RIPOR3: variants seen among roughly 807,000 people sequenced by gnomAD.
The protein encoded by RIPOR3 is family with sequence similarity 65 member C.
In RIPOR3, 95 loss-of-function variants were observed where a neutral mutation model predicts 114.3. The observed-to-expected ratio is 0.83, with a 90% CI of 0.70 to 0.99. RIPOR3 has a LOEUF of 0.99. RIPOR3 is among the 50% of genes least tolerant of loss of function. The probability of loss-of-function intolerance (pLI) is 0.00; values close to 1 mark genes in which losing one functional copy is unlikely to be tolerated. For missense variants in RIPOR3, 1,252 were observed against 1,266.9 expected (o/e 0.99, Z 0.18); for synonymous variants, 575 against 543.8 (o/e 1.06, Z -0.80).
chr20:50,666,185 T>G (rs373542940), intron 1 of RIPOR3, among the ~76,000 whole-genome samples: 16 of 24,480 alleles, frequency 6.5e-4, no homozygotes, highest in South Asian at 5.4e-3. Context: ...GGACACCCAT[T>G]TCTTTTCTTT....
intron 1 of RIPOR3, among the ~76,000 whole-genome samples, chr20:50,689,852 C>T (rs1244439045): frequency 6.6e-6 from 1 of 152,134 alleles, no homozygotes; most frequent in Non-Finnish European, 1.5e-5. Flanking sequence ...TGGATCAGTA[C>T]AGAGCTGCTT....
intron 1 of RIPOR3, among the ~76,000 whole-genome samples, chr20:50,681,239 A>G (rs1444731303): frequency 1.6e-5 from 2 of 122,652 alleles, no homozygotes; most frequent in African/African-American, 5.9e-5. Flanking sequence ...AAAAAAAAAA[A>G]AAAGAAAAGA....
chr20:50,666,830 G>A (rs1024355249), intron 1 of RIPOR3, among the ~76,000 whole-genome samples: 7 of 152,104 alleles, frequency 4.6e-5, no homozygotes, highest in African/African-American at 1.7e-4. Context: ...AAAGTGCTGG[G>A]ATTACAGGCG....
intron 20 of RIPOR3, 148 bp downstream of exon 20, chr20:50,589,538 T>C: frequency 1.4e-6 from 1 of 710,814 alleles, no homozygotes; most frequent in South Asian, 1.6e-5. Flanking sequence ...TCAGGTGATC[T>C]GCCTGCCTTG....
intron 1 of RIPOR3, among the ~76,000 whole-genome samples, chr20:50,638,835 G>A (rs1308354944): frequency 6.6e-6 from 1 of 152,120 alleles, no homozygotes; most frequent in East Asian, 1.9e-4. Context: ...CAGGCAGGAG[G>A]GACTGAGATG....
chr20:50,587,227 AT>A lies in RIPOR3; in HGVS notation c.*4del, dbSNP rs761083911. 4.8e-5 allele frequency: 77 copies of A among 1,612,428 alleles called. No homozygotes were observed. The highest frequency in any genetic ancestry group is 4.8e-5 in the Non-Finnish European group (56 of 1,178,530). Reference sequence around the variant, plus strand: ...GTGAGATTTGTGCTCATCAGCCAGGATTTTTTAAAATATTGTGATTTCAACA... The same window carrying A: ...GTGAGATTTGTGCTCATCAGCCAGGATTTTTAAAATATTGTGATTTCAACA... On this transcript the variant is annotated 3_prime_UTR_variant, in exon 22 of 22. Transcript: ENST00000327979.
chr20:50,590,815 C>CTTT (rs11476746), intron 19 of RIPOR3, among the ~76,000 whole-genome samples: 9 of 131,680 alleles, frequency 6.8e-5, no homozygotes, highest in Non-Finnish European at 9.8e-5. Context: ...GATGAAGGCC[C>CTTT]TTTTTTTTTT....
intron 19 of RIPOR3, among the ~76,000 whole-genome samples, chr20:50,591,913 G>A (rs747321518): frequency 2.6e-5 from 4 of 152,190 alleles, no homozygotes; most frequent in Non-Finnish European, 5.9e-5. Context: ...TGGCCAACAT[G>A]GTGAAACCCT....
At chr20:50,641,772 C>T (rs1203940915) in intron 1 of RIPOR3, among the ~76,000 whole-genome samples, 1 of 152,244 alleles carries the variant, frequency 6.6e-6, no homozygotes, top group Non-Finnish European at 1.5e-5. Flanking sequence ...TTATCTCCCA[C>T]TCTCCTTGCT....
intron 2 of RIPOR3, among the ~76,000 whole-genome samples, chr20:50,622,242 T>C (rs6096032): frequency 0.65 from 97,628 of 150,050 alleles, 32,228 homozygotes; most frequent in Middle Eastern, 0.75. Flanking sequence ...AGTGCAATGG[T>C]GCAATCTCGG....
chr20:50,680,748 C>A (rs1479776459), intron 1 of RIPOR3, among the ~76,000 whole-genome samples: 1 of 152,194 alleles, frequency 6.6e-6, no homozygotes, highest in Admixed American at 6.5e-5. Flanking sequence ...TGATGCCCAG[C>A]ACCTATCTCC....
chr20:50,678,879 G>A (rs2086761715), intron 1 of RIPOR3, among the ~76,000 whole-genome samples: 1 of 151,164 alleles, frequency 6.6e-6, no homozygotes, highest in Admixed American at 6.6e-5. Flanking sequence ...CCAGGTGGGA[G>A]GATCACTTGA....
At chr20:50,670,228 G>A (rs1395008669) in intron 1 of RIPOR3, among the ~76,000 whole-genome samples, 4 of 151,712 alleles carry the variant, frequency 2.6e-5, no homozygotes, top group Non-Finnish European at 4.4e-5. Flanking sequence ...CCAGGCAGGC[G>A]GAGGCCCAGA....
intron 7 of RIPOR3, 36 bp downstream of exon 7, chr20:50,609,537 T>C (rs2083868624): frequency 2.1e-6 from 3 of 1,428,106 alleles, no homozygotes; most frequent in African/African-American, 2.9e-5. Context: ...CAGCTCTTGC[T>C]GCCCCTGCTG....
intron 14 of RIPOR3, 39 bp from the exon 15 acceptor site, chr20:50,596,302 C>G (rs368476611): frequency 8.2e-5 from 133 of 1,612,336 alleles, no homozygotes; most frequent in Non-Finnish European, 1.1e-4. Flanking sequence ...TTCCAGTTAG[C>G]AGTTCAGCTC....
chr20:50,599,324 G>A (rs1197635606), intron 13 of RIPOR3, among the ~76,000 whole-genome samples: 1 of 152,026 alleles, frequency 6.6e-6, no homozygotes. Context: ...CCCAGGAGGT[G>A]GAGGTTGCAG....
At chr20:50,648,603 T>C (rs981928945) in intron 1 of RIPOR3, among the ~76,000 whole-genome samples, 7 of 152,012 alleles carry the variant, frequency 4.6e-5, no homozygotes, top group African/African-American at 1.7e-4. Flanking sequence ...TTGTAATATA[T>C]AATGAAATAA....
chr20:50,665,896 A>G (rs1432236803), intron 1 of RIPOR3, among the ~76,000 whole-genome samples: 2 of 151,996 alleles, frequency 1.3e-5, no homozygotes, highest in East Asian at 1.9e-4. Context: ...GTCGCCACGC[A>G]CCTCACTGTA....
At chr20:50,620,979 A>T in intron 2 of RIPOR3, 1 of 531,126 alleles carries the variant, frequency 1.9e-6, no homozygotes, top group African/African-American at 1.9e-5. Context: ...AAGTTCATCA[A>T]GGAAAGGGTG....
Sources: allele counts gnomAD v4.1 joint callset (sites outside exome capture counted in the v4.1 genomes callset), GRCh38; gene constraint gnomAD v4.1.1; transcripts MANE v1.5; gene names NCBI Gene and HGNC (gene_info 2026-07-23, HGNC 2026-07-21).